Variants in CSMD2 observed in about 807,000 individuals in gnomAD.
The protein encoded by CSMD2 is CUB and Sushi multiple domains 2, also known as CUB and sushi domain-containing protein 2.
Under a neutral mutation model 398.5 loss-of-function variants are expected in CSMD2, and 130 were observed. That is an observed-to-expected ratio of 0.33 (90% CI 0.28 to 0.38). CSMD2 has a LOEUF of 0.38. CSMD2 is among the 10% of genes least tolerant of loss of function. The pLI is 1.00. For synonymous variants in CSMD2, 1,828 were observed against 1,908.5 expected (o/e 0.96, Z 1.10); for missense variants, 3,829 against 4,764.9 (o/e 0.80, Z 5.78).
At position 33,516,058 on chromosome 1, in the gene CSMD2, G is replaced by A. The variant is rs775056841; in HGVS notation, c.*566C>T. Reference sequence around the variant, plus strand: ...GACAGCTGGTTTCTGCACGCTGACCGGGTTTCTGCACTCTGACCGCATGAT... The same window carrying A: ...GACAGCTGGTTTCTGCACGCTGACCAGGTTTCTGCACTCTGACCGCATGAT... On this transcript the variant is annotated 3_prime_UTR_variant, in exon 71 of 71. Transcript: ENST00000373381. 2 of 151,916 alleles carry A rather than the reference G, an allele frequency of 1.3e-5. No individual in the cohort carries two copies. Among genetic ancestry groups the A allele is most frequent in the South Asian group, 2.1e-4 (1 of 4,820 alleles). 9.4% of individuals were successfully genotyped at this position (151,916 alleles called of 1,614,324 possible).
intron 8 of CSMD2, among the ~76,000 whole-genome samples, chr1:33,820,153 C>T (rs760677480): frequency 6.6e-6 from 1 of 152,132 alleles, no homozygotes; most frequent in Non-Finnish European, 1.5e-5. Flanking sequence ...GGAAAATGGT[C>T]TCCTAGATTA....
At chr1:33,946,510 G>A (rs1327629135) in intron 3 of CSMD2, among the ~76,000 whole-genome samples, 1 of 152,174 alleles carries the variant, frequency 6.6e-6, no homozygotes, top group Non-Finnish European at 1.5e-5. Context: ...ACTTGTGGTG[G>A]TAAAATCAAT....
At chr1:33,556,947 A>AC (rs1658044671) in intron 55 of CSMD2, among the ~76,000 whole-genome samples, 1 of 152,208 alleles carries the variant, frequency 6.6e-6, no homozygotes, top group East Asian at 1.9e-4. Flanking sequence ...AGTCAATTAA[A>AC]CCTCTTTCCT....
rs1386651390 is a variant in CSMD2 at position 33,524,945 on chromosome 1, C to A, written c.10333G>T (p.Val3445Phe). ...GTGGCATTGACCTTGCTGTTGGCAA[C>A]TTGGAAGCCAGTCACTCTGAGCATG... ...PAMLRVTGFQVANSKVNATMI... is the reference protein window; with the variant it reads ...PAMLRVTGFQFANSKVNATMI... The change falls in exon 66 of 71, where the codon GTT (valine) becomes TTT (phenylalanine). Residue 3445 changes from valine to phenylalanine, a missense_variant. This residue lies in a region of CSMD2 where 917 missense variants were observed against 1,199.5 expected (regional missense o/e 0.76). Transcript: ENST00000373381. 5 of 1,614,140 alleles carry A rather than the reference C, an allele frequency of 3.1e-6. No homozygotes were observed. The highest frequency in any genetic ancestry group is 3.4e-6 in the Non-Finnish European group (4 of 1,180,050).
intron 53 of CSMD2, among the ~76,000 whole-genome samples, chr1:33,560,206 G>T (rs1337605461): frequency 6.6e-6 from 1 of 152,166 alleles, no homozygotes; most frequent in Non-Finnish European, 1.5e-5. Context: ...TGCCTCTGTG[G>T]GTGGGTGAAT....
rs1173375100 is a variant in CSMD2, at chr1:33,802,978, C to G, written c.1446+7765G>C. Among the ~76,000 whole-genome samples the G allele has an allele frequency of 2.0e-5, 3 of 152,204 alleles. No homozygotes were observed. In the East Asian group the frequency reaches 5.8e-4, roughly 29 times the overall value. On this transcript the variant is annotated intron_variant, in intron 10 of 70. Transcript: ENST00000373381. ...TGGCCTCCACAGCCTCACCTCCCAT[C>G]CATTTGCTTCCCACCCTACTGCTGT...
chr1:33,828,581 G>A (rs966040011), intron 6 of CSMD2, among the ~76,000 whole-genome samples: 1 of 152,158 alleles, frequency 6.6e-6, no homozygotes, highest in Non-Finnish European at 1.5e-5. Context: ...CCATTCCCAG[G>A]GGCAAAGCTG....
intron 20 of CSMD2, 84 bp from the exon 21 acceptor site, chr1:33,714,859 C>T (rs562840010): frequency 7.2e-7 from 1 of 1,379,708 alleles, no homozygotes; most frequent in Admixed American, 1.9e-5. Context: ...GGCAAAACAC[C>T]AGGGGGAAAG....
chr1:33,567,565 G>T, intron 53 of CSMD2, 28 bp downstream of exon 53: 2 of 1,612,290 alleles, frequency 1.2e-6, no homozygotes, highest in South Asian at 2.2e-5. Flanking sequence ...TGAGCCCCAT[G>T]ACTAGGGAGA....
intron 5 of CSMD2, among the ~76,000 whole-genome samples, chr1:33,854,119 G>C (rs1638906683): frequency 6.6e-6 from 1 of 152,142 alleles, no homozygotes; most frequent in African/African-American, 2.4e-5. Context: ...CATCGTGCAG[G>C]TGTATCAGCC....
At chr1:33,780,950 G>A (rs569786361) in intron 12 of CSMD2, among the ~76,000 whole-genome samples, 2 of 152,360 alleles carry the variant, frequency 1.3e-5, no homozygotes, top group African/African-American at 2.4e-5. Context: ...ATAGCCATGT[G>A]CTTGGCATCT....
intron 29 of CSMD2, among the ~76,000 whole-genome samples, chr1:33,642,102 T>A (rs1327902649): frequency 1.3e-5 from 2 of 151,812 alleles, no homozygotes; most frequent in Non-Finnish European, 2.9e-5. Context: ...TGTATCACAC[T>A]TTGGGAGGCC....
At chr1:33,675,730 T>C (rs1340470917) in intron 25 of CSMD2, among the ~76,000 whole-genome samples, 3 of 152,136 alleles carry the variant, frequency 2.0e-5, no homozygotes, top group Non-Finnish European at 4.4e-5. Flanking sequence ...GCAAACCGAA[T>C]CCAGCAGCAC....
rs182343020 is a variant in CSMD2 at position 33,773,815 on chromosome 1, A to G, written c.1664-1064T>C. 2.9e-3 allele frequency among the ~76,000 whole-genome samples: 445 copies of G among 152,204 alleles called. 3 individuals carry two copies. Among genetic ancestry groups the G allele is most frequent in the African/African-American group, 9.1e-3 (380 of 41,534 alleles). On this transcript the variant is annotated intron_variant, in intron 12 of 70. Transcript: ENST00000373381. ...TGGGAGAGAGGGGCCCAGAGTCATC[A>G]GGGGAGTTTTTTGGACACTACCTAG... is the stretch of plus-strand genomic sequence containing the variant.
intron 17 of CSMD2, 140 bp downstream of exon 17, chr1:33,725,209 G>T: frequency 1.5e-6 from 1 of 673,750 alleles, no homozygotes. Context: ...CTTCCCCAGG[G>T]CCTTCTGAAG....
intron 22 of CSMD2, among the ~76,000 whole-genome samples, 167 bp from the exon 23 acceptor site, chr1:33,700,840 T>C (rs999744078): frequency 2.6e-5 from 4 of 152,250 alleles, no homozygotes; most frequent in African/African-American, 9.6e-5. Flanking sequence ...AGCTATCAAC[T>C]GAGCAAGTTA....
At chr1:33,625,972 T>A (rs893644666) in intron 33 of CSMD2, among the ~76,000 whole-genome samples, 2 of 152,240 alleles carry the variant, frequency 1.3e-5, no homozygotes, top group Non-Finnish European at 2.9e-5. Context: ...CCTCTTTGCA[T>A]CCTATCAGTG....
At chr1:33,780,382 T>C (rs548136058) in intron 12 of CSMD2, among the ~76,000 whole-genome samples, 72 of 152,186 alleles carry the variant, frequency 4.7e-4, no homozygotes, top group Non-Finnish European at 7.9e-4. Flanking sequence ...CACATCTGTA[T>C]GTGCACCTAT....
At chr1:33,935,641 G>T (rs1644454478) in intron 4 of CSMD2, 119 bp downstream of exon 4, 2 of 1,077,180 alleles carry the variant, frequency 1.9e-6, no homozygotes, top group East Asian at 2.6e-5. Flanking sequence ...GTCCAGACTT[G>T]GGTACCCCCC....
Sources: allele counts gnomAD v4.1 joint callset (sites outside exome capture counted in the v4.1 genomes callset), GRCh38; gene constraint gnomAD v4.1.1; regional missense constraint gnomAD v4.1.1; transcripts MANE v1.5; gene names NCBI Gene and HGNC (gene_info 2026-07-23, HGNC 2026-07-21).